WDFY3: variants seen among roughly 807,000 people sequenced by gnomAD.
WDFY3 encodes WD repeat and FYVE domain containing 3, also known as WD repeat and FYVE domain-containing protein 3.
A neutral mutation model predicts 409.6 loss-of-function variants in WDFY3; 66 were observed. The observed-to-expected ratio is 0.16, with a 90% CI of 0.13 to 0.20. The LOEUF (loss-of-function observed/expected upper bound fraction) is 0.20. Ranked by LOEUF, WDFY3 falls within the 10% of genes least tolerant of loss-of-function variation. WDFY3 has a pLI of 1.00. For synonymous variants in WDFY3, 1,521 were observed against 1,537.1 expected, an observed-to-expected ratio of 0.99 and a Z score of 0.25; for missense variants, 3,031 against 4,298.1, an observed-to-expected ratio of 0.71 and a Z score of 8.24.
At chr4:84,928,405 T>C (rs1165865248) in intron 2 of WDFY3, among the ~76,000 whole-genome samples, 1 of 152,196 alleles carries the variant, frequency 6.6e-6, no homozygotes, top group Non-Finnish European at 1.5e-5. Flanking sequence ...CTTCTCAGTC[T>C]CCATAATTGA....
chr4:84,713,021 A>T, intron 51 of WDFY3, 138 bp downstream of exon 51: 1 of 806,650 alleles, frequency 1.2e-6, no homozygotes, highest in Non-Finnish European at 2.0e-6. Context: ...TTCTTCCTTT[A>T]GTTTTCAGTA....
At chr4:84,828,883 G>A (rs1327601805) in intron 9 of WDFY3, 121 bp downstream of exon 9, 2 of 1,003,878 alleles carry the variant, frequency 2.0e-6, no homozygotes, top group Non-Finnish European at 2.8e-6. Context: ...GTAAAGCCAG[G>A]TATACATTAA....
At chr4:84,810,978 A>C (rs1443984442) in intron 13 of WDFY3, among the ~76,000 whole-genome samples, 1 of 152,166 alleles carries the variant, frequency 6.6e-6, no homozygotes, top group Non-Finnish European at 1.5e-5. Flanking sequence ...AACTGTCATA[A>C]TTTTAACTTA....
chr4:84,845,494 A>G (rs1757963836), intron 5 of WDFY3, among the ~76,000 whole-genome samples: 1 of 152,164 alleles, frequency 6.6e-6, no homozygotes, highest in African/African-American at 2.4e-5. Flanking sequence ...AGCTCTAGAG[A>G]TCTGCTGTAC....
intron 13 of WDFY3, 121 bp downstream of exon 13, chr4:84,817,271 G>C: frequency 8.1e-7 from 1 of 1,236,280 alleles, no homozygotes; most frequent in Admixed American, 2.2e-5. Flanking sequence ...ACAAAGTTGT[G>C]AGGTTTCTTG....
At position 84,714,963 on chromosome 4, in the gene WDFY3, A is replaced by C. The variant is rs982616075; in HGVS notation, c.7961+335T>G. ...AGACTCCGTCTCAAAAAAAAAAAAA[A>C]AGAAGAAGAAAAAAAGAAACTAAAG... On this transcript the variant is annotated intron_variant, in intron 50 of 67. Transcript: ENST00000295888. Among the ~76,000 whole-genome samples, 13 of 148,866 alleles carry C rather than the reference A, an allele frequency of 8.7e-5. No individual in the cohort carries two copies. The East Asian group carries it at 2.5e-3, about 29-fold the overall frequency.
At chr4:84,774,622 G>A (rs1010243052) in intron 29 of WDFY3, among the ~76,000 whole-genome samples, 198 bp downstream of exon 29, 3 of 152,134 alleles carry the variant, frequency 2.0e-5, no homozygotes, top group African/African-American at 7.2e-5. Flanking sequence ...ATTCACTAGT[G>A]GCAACAATTA....
chr4:84,851,775 T>C (rs1000808662), intron 4 of WDFY3, among the ~76,000 whole-genome samples: 7 of 152,162 alleles, frequency 4.6e-5, no homozygotes, highest in South Asian at 2.1e-4. Context: ...CCCCCTTATC[T>C]GTGAGAGGTA....
At chr4:84,922,412 A>G (rs1769406306) in intron 2 of WDFY3, among the ~76,000 whole-genome samples, 1 of 152,162 alleles carries the variant, frequency 6.6e-6, no homozygotes, top group Non-Finnish European at 1.5e-5. Context: ...TGTTTTAATC[A>G]TCACATTAAT....
chr4:84,724,648 G>A (rs192306067), intron 45 of WDFY3, 54 bp from the exon 46 acceptor site: 366 of 1,572,062 alleles, frequency 2.3e-4, no homozygotes, highest in Non-Finnish European at 2.9e-4. Context: ...GAATTAAAAC[G>A]TAATATTCTT....
chr4:84,950,587 C>G (rs1270481562), intron 1 of WDFY3, among the ~76,000 whole-genome samples: 1 of 152,010 alleles, frequency 6.6e-6, no homozygotes. Flanking sequence ...GTTAGGAGAT[C>G]GAGACCATCC....
At chr4:84,729,528 A>G (rs1231348000) in intron 44 of WDFY3, among the ~76,000 whole-genome samples, 3 of 151,966 alleles carry the variant, frequency 2.0e-5, no homozygotes. Flanking sequence ...ATTATAGTTG[A>G]TAAACTATTA....
At chr4:84,957,441 T>C (rs2151173549) in intron 1 of WDFY3, among the ~76,000 whole-genome samples, 1 of 152,290 alleles carries the variant, frequency 6.6e-6, no homozygotes, top group South Asian at 2.1e-4. Context: ...TAACAGACAT[T>C]GCTTTAATGT....
Position 84,803,277 on chromosome 4 carries a change from T to G in WDFY3, c.2607+13A>C. 6.3e-7 allele frequency: 1 copy of G among 1,594,938 alleles called. No homozygotes were observed. Among genetic ancestry groups the G allele is most frequent in the Non-Finnish European group, 8.5e-7 (1 of 1,172,480 alleles). ...CATTACAGACGGGAAGGAACTAACA[T>G]ATTCAAGCTTACTTCTGGCTGTGTC... On this transcript the variant is annotated intron_variant, in intron 16 of 67. Transcript: ENST00000295888.
intron 2 of WDFY3, among the ~76,000 whole-genome samples, chr4:84,913,736 AT>A (rs1236746323): frequency 6.6e-6 from 1 of 151,288 alleles, no homozygotes; most frequent in African/African-American, 2.4e-5. Context: ...GAAAAGAAAT[AT>A]TTTTAGAGAA....
chr4:84,675,290 C>T (rs188626112), intron 67 of WDFY3, among the ~76,000 whole-genome samples: 1 of 152,066 alleles, frequency 6.6e-6, no homozygotes. Context: ...CCTTTCAAAG[C>T]ACAGAGCCAC....
chr4:84,718,700 T>C, intron 47 of WDFY3, 130 bp from the exon 48 acceptor site: 1 of 1,113,862 alleles, frequency 9.0e-7, no homozygotes, highest in Non-Finnish European at 1.2e-6. Flanking sequence ...AGATTAAGCT[T>C]AGATTACAGT....
chr4:84,803,782 C>A, intron 15 of WDFY3: 1 of 189,514 alleles, frequency 5.3e-6, no homozygotes, highest in Non-Finnish European at 1.1e-5. Flanking sequence ...CAAGTACAAT[C>A]ACAGTGATTC....
At position 84,796,678 on chromosome 4, in the gene WDFY3, T is replaced by C. The variant is rs760650745; in HGVS notation, c.3010A>G (p.Ile1004Val). The C allele has an allele frequency of 1.9e-6, 3 of 1,614,058 alleles. No individual in the cohort carries two copies. Among genetic ancestry groups the C allele is most frequent in the Non-Finnish European group, 8.5e-7 (1 of 1,180,026 alleles). ...GCAGATTTTACCAGGCTCTTGCTTA[T>C]CCGGTAATGGTTATCTTCATGTAAG... Reference protein sequence around the residue: ...FSLHEDNHYRISKSLVKSAEG... With the variant: ...FSLHEDNHYRVSKSLVKSAEG... Residue 1004 changes from isoleucine to valine, a missense_variant, in exon 19 of 68, where the codon ATA (isoleucine) becomes GTA (valine). Around this residue, in one of 16 missense-constraint regions of WDFY3, gnomAD observed 1,322 missense variants for 1,697.9 expected, o/e 0.78. Coordinates refer to ENST00000295888, the MANE Select transcript of WDFY3 (RefSeq NM_014991.6).
Sources: allele counts gnomAD v4.1 joint callset (sites outside exome capture counted in the v4.1 genomes callset), GRCh38; gene constraint gnomAD v4.1.1; regional missense constraint gnomAD v4.1.1; transcripts MANE v1.5; gene names NCBI Gene and HGNC (gene_info 2026-07-23, HGNC 2026-07-21).